KLHL13: variants seen among roughly 807,000 people sequenced by gnomAD.
The protein encoded by KLHL13 is kelch like family member 13.
In KLHL13, 10 loss-of-function variants were observed where a neutral mutation model predicts 37.1. The ratio of observed to expected loss-of-function variants is 0.27; its 90% CI spans 0.17 to 0.46. KLHL13 has a LOEUF of 0.46. Among genes scored for constraint, KLHL13 ranks in the 20% least tolerant of loss-of-function variants. KLHL13 has a pLI of 1.00. For missense variants in KLHL13, 360 were observed against 509.3 expected (o/e 0.71, Z 2.82); for synonymous variants, 163 against 181.2 (o/e 0.90, Z 0.81).
chrX:117,967,750 A>C (rs962817129), intron 1 of KLHL13, among the ~76,000 whole-genome samples: 1 of 111,936 alleles, frequency 8.9e-6, no homozygotes, highest in African/African-American at 3.2e-5. Context: ...TCTTTTTAAA[A>C]AATACACAAT....
At chrX:117,933,069 AT>A (rs113938136) in intron 2 of KLHL13, among the ~76,000 whole-genome samples, 169 of 102,840 alleles carry the variant, frequency 1.6e-3, no homozygotes, top group Non-Finnish European at 2.0e-3. Context: ...TGGATAATTT[AT>A]TTTTTTTTTT....
At chrX:117,899,775 C>T (rs1028334893) in intron 6 of KLHL13, among the ~76,000 whole-genome samples, 2 of 111,808 alleles carry the variant, frequency 1.8e-5, no homozygotes, top group African/African-American at 6.5e-5. Context: ...TAGTGGGTAC[C>T]CTCTGGGTAC....
intron 1 of KLHL13, among the ~76,000 whole-genome samples, chrX:118,013,933 T>TATA (rs1474516020): frequency 8.9e-6 from 1 of 112,766 alleles, no homozygotes; most frequent in Non-Finnish European, 1.9e-5. Flanking sequence ...AATACTCTTA[T>TATA]AATTTCTTAT....
At chrX:117,975,726 G>A (rs1009517477), upstream of KLHL13, among the ~76,000 whole-genome samples, 1 of 111,963 alleles carries the variant, frequency 8.9e-6, no homozygotes, top group Admixed American at 9.5e-5. Context: ...CCAAAAACCT[G>A]TGTAAAAAAC....
chrX:117,954,043 CAG>C (rs1416598316), intron 1 of KLHL13, among the ~76,000 whole-genome samples: 1 of 111,469 alleles, frequency 9.0e-6, no homozygotes, highest in East Asian at 2.8e-4. Context: ...ATCACAATAA[CAG>C]ATATAACACT....
At chrX:117,930,829 T>G (rs1348643947) in intron 2 of KLHL13, among the ~76,000 whole-genome samples, 1 of 112,293 alleles carries the variant, frequency 8.9e-6, no homozygotes, top group Non-Finnish European at 1.9e-5. Context: ...AAATTAAAAG[T>G]ATCATTTTCA....
intron 4 of KLHL13, among the ~76,000 whole-genome samples, chrX:117,918,034 G>A (rs1218721335): frequency 5.4e-5 from 6 of 111,611 alleles, no homozygotes; most frequent in Non-Finnish European, 1.1e-4. Flanking sequence ...TTGAGGGAAT[G>A]GGCCTTGCAT....
intron 2 of KLHL13, among the ~76,000 whole-genome samples, chrX:117,928,854 A>G (rs1028714674): frequency 1.2e-4 from 14 of 112,103 alleles, no homozygotes; most frequent in African/African-American, 4.2e-4. Flanking sequence ...GAAATCAATG[A>G]AATAGAAAAC....
chrX:117,909,305 T>C, exon 5 of KLHL13: 1 of 1,178,168 alleles, frequency 8.5e-7, no homozygotes. Flanking sequence ...ACTTACGCAG[T>C]TCACCTGCTG....
At chrX:118,086,216 G>A (rs913144903) in intron 1 of KLHL13, among the ~76,000 whole-genome samples, 5 of 112,090 alleles carry the variant, frequency 4.5e-5, no homozygotes, top group East Asian at 2.8e-4. Context: ...GATTACAGGC[G>A]TGAGCCACCA....
exon 7 of KLHL13, chrX:117,898,854 A>G (rs1316853091): frequency 7.1e-6 from 8 of 1,132,056 alleles, no homozygotes; most frequent in African/African-American, 1.8e-5. Context: ...AAAGAAGAGA[A>G]TTTATGACAC....
intron 1 of KLHL13, among the ~76,000 whole-genome samples, chrX:118,070,299 T>C: frequency 8.9e-6 from 1 of 112,879 alleles, no homozygotes; most frequent in South Asian, 3.6e-4. Flanking sequence ...CACGTTTTGC[T>C]ATGCAGTGTT....
At chrX:117,909,982 T>C in exon 5 of KLHL13, 1 of 1,209,890 alleles carries the variant, frequency 8.3e-7, no homozygotes, top group Non-Finnish European at 1.1e-6. Flanking sequence ...AACTCCCCTG[T>C]GCTCAGCAAT....
At chrX:118,027,648 T>TACACACAC (rs34640779) in intron 1 of KLHL13, among the ~76,000 whole-genome samples, 2 of 103,801 alleles carry the variant, frequency 1.9e-5, no homozygotes, top group South Asian at 4.1e-4. Flanking sequence ...TCTCCACACA[T>TACACACAC]ACACACACAC....
intron 1 of KLHL13, among the ~76,000 whole-genome samples, chrX:118,108,393 T>C (rs970039165): frequency 1.8e-5 from 2 of 112,232 alleles, no homozygotes; most frequent in African/African-American, 6.5e-5. Flanking sequence ...TTGAAAGATT[T>C]AGTGTTTGAC....
chrX:118,114,171 A>G (rs199807010), intron 1 of KLHL13, among the ~76,000 whole-genome samples: 5 of 112,831 alleles, frequency 4.4e-5, no homozygotes, highest in South Asian at 3.6e-4. Flanking sequence ...AAACATCAAT[A>G]AAAATCAAAC....
In KLHL13 at chrX:117,943,628, T is replaced by C. The variant is rs771907566; in HGVS notation, c.240+1806A>G. On this transcript the variant is annotated intron_variant, in intron 2 of 6. Coordinates refer to ENST00000262820, the Ensembl canonical transcript of KLHL13. ...TCTGCTTGATTGATTTGGCTATTGA[T>C]ACTTTTGTATGCTTCATGAAGTCCT... Among the ~76,000 whole-genome samples, 50 of 107,957 alleles carry C rather than the reference T, an allele frequency of 4.6e-4. 1 individual carries two copies. The highest frequency in any genetic ancestry group is 1.6e-3 in the African/African-American group (48 of 29,263). 93.7% of individuals were successfully genotyped at this position (107,957 alleles called of 115,157 possible).
At chrX:117,947,692 T>C (rs1364552750) in intron 1 of KLHL13, 2 of 112,257 alleles carry the variant, frequency 1.8e-5, no homozygotes, top group African/African-American at 3.2e-5. Context: ...TCATGATGTT[T>C]TATCAGTATC....
rs1341762069 is a variant in KLHL13, at chrX:117,983,318, C to T, written c.-55-37743G>A. Among the ~76,000 whole-genome samples the T allele has an allele frequency of 2.7e-5, 3 of 110,979 alleles. No individual in the cohort carries two copies. The Admixed American group carries it at 2.9e-4, about 11-fold the overall frequency. ...ATACAATGATGCGTGGCATTTTTAA[C>T]AGCATGATTTACATACTTTTTTCCT... On this transcript the variant is annotated intron_variant, in intron 1 of 6. Coordinates refer to the KLHL13 transcript ENST00000371882.
Sources: gnomAD v4.1 joint callset for allele counts (sites outside exome capture counted in the v4.1 genomes callset) on GRCh38, gnomAD v4.1.1 for gene constraint, MANE v1.5 for transcripts, NCBI Gene and HGNC (gene_info 2026-07-23, HGNC 2026-07-21) for gene names.